The following ADAMTS14 variants were observed in gnomAD, a reference collection of about 807,000 sequenced individuals.
ADAMTS14 encodes the protein A disintegrin and metalloproteinase with thrombospondin motifs 14.
In ADAMTS14, 100 loss-of-function variants were observed where a neutral mutation model predicts 128.6. That is an observed-to-expected ratio of 0.78 (90% confidence interval 0.66 to 0.92). The LOEUF (loss-of-function observed/expected upper bound fraction) is 0.92. Among genes scored for constraint, ADAMTS14 ranks in the 40% least tolerant of loss-of-function variants. The probability of loss-of-function intolerance (pLI) is 0.00; values close to 1 mark genes in which losing one functional copy is unlikely to be tolerated. For synonymous variants in ADAMTS14, 665 were observed against 653.8 expected, an observed-to-expected ratio of 1.02 and a Z score of -0.26; for missense variants, 1,562 against 1,658.6, an observed-to-expected ratio of 0.94 and a Z score of 1.01.
chr10:70,672,668 C>A lies in ADAMTS14; in HGVS notation c.-135C>A. The A allele has an allele frequency of 8.2e-7, 1 of 1,216,672 alleles. No individual in the cohort carries two copies. Among genetic ancestry groups the A allele is most frequent in the Non-Finnish European group, 1.0e-6 (1 of 956,794 alleles). 75.4% of individuals were successfully genotyped at this position (1,216,672 alleles called of 1,614,324 possible). ...AGCAGGCGGGAGGGAAGCAGCTAGGCGGGGAGGCGGCTGAGGCGGCAGCGG... is the reference window on the plus strand; with the variant it reads ...AGCAGGCGGGAGGGAAGCAGCTAGGAGGGGAGGCGGCTGAGGCGGCAGCGG... On this transcript the variant is annotated 5_prime_UTR_variant, in exon 1 of 22. Transcript: ENST00000373207.
At chr10:70,749,423 C>G (rs1842280747) in intron 15 of ADAMTS14, among the ~76,000 whole-genome samples, 1 of 152,162 alleles carries the variant, frequency 6.6e-6, no homozygotes, top group African/African-American at 2.4e-5. Flanking sequence ...CTCTCAGCCT[C>G]TATGCTCTGC....
At chr10:70,704,555 T>C (rs1454194821) in intron 3 of ADAMTS14, among the ~76,000 whole-genome samples, 23 of 116,216 alleles carry the variant, frequency 2.0e-4, no homozygotes, top group South Asian at 2.9e-4. Flanking sequence ...ACACACCATC[T>C]ATACCCTCAT....
At chr10:70,759,699 G>A (rs75649110) in intron 21 of ADAMTS14, among the ~76,000 whole-genome samples, 2,166 of 152,276 alleles carry the variant, frequency 0.014, 44 homozygotes, top group African/African-American at 0.049. Context: ...TTAATGTCCC[G>A]ATGTGTGCTG....
At chr10:70,725,584 T>A (rs1191631761) in intron 4 of ADAMTS14, among the ~76,000 whole-genome samples, 1 of 152,078 alleles carries the variant, frequency 6.6e-6, no homozygotes, top group East Asian at 1.9e-4. Context: ...GTAGAAGGAG[T>A]GAGGGGGTCT....
chr10:70,675,300 G>A (rs976558462), intron 2 of ADAMTS14, among the ~76,000 whole-genome samples: 5 of 152,204 alleles, frequency 3.3e-5, no homozygotes, highest in Admixed American at 2.6e-4. Flanking sequence ...CCACTGCCTA[G>A]CTGTGAGGAT....
At chr10:70,733,026 TTCAGTAGG>T (rs1841700105) in intron 7 of ADAMTS14, among the ~76,000 whole-genome samples, 1 of 152,132 alleles carries the variant, frequency 6.6e-6, no homozygotes, top group Admixed American at 6.5e-5. Flanking sequence ...TGAGCTACTG[TTCAGTAGG>T]TCATGCCATG....
chr10:70,675,740 C>G (rs771616047), intron 2 of ADAMTS14, among the ~76,000 whole-genome samples: 3 of 152,220 alleles, frequency 2.0e-5, no homozygotes, highest in Admixed American at 6.5e-5. Flanking sequence ...TTCTCGCCCC[C>G]ACCTGGGGTT....
At position 70,733,431 on chromosome 10, in the gene ADAMTS14, G is replaced by T. The variant is rs139504106; in HGVS notation, c.1209-454G>T. On this transcript the variant is annotated intron_variant, in intron 7 of 21. Transcript: ENST00000373207. ...GCGCTGACAGGGGCTCAAGAAATGAGGTTGAGTTGAGTTGAATGAAACCTG... is the reference window on the plus strand; with the variant it reads ...GCGCTGACAGGGGCTCAAGAAATGATGTTGAGTTGAGTTGAATGAAACCTG... Among the ~76,000 whole-genome samples the T allele has an allele frequency of 8.5e-5, 13 of 152,330 alleles. No homozygotes were observed. The East Asian group carries it at 2.5e-3, about 29-fold the overall frequency.
chr10:70,754,229 G>A (rs1842428270), intron 19 of ADAMTS14, among the ~76,000 whole-genome samples: 1 of 152,228 alleles, frequency 6.6e-6, no homozygotes, highest in African/African-American at 2.4e-5. Flanking sequence ...ACAGTGCCAG[G>A]AGGCATGGGT....
chr10:70,690,120 A>G (rs1425460230), intron 2 of ADAMTS14, among the ~76,000 whole-genome samples: 1 of 144,470 alleles, frequency 6.9e-6, no homozygotes, highest in Non-Finnish European at 1.6e-5. Flanking sequence ...ATGAGTGAAT[A>G]TGTGCTATTG....
rs74139898 is a variant in ADAMTS14, at chr10:70,727,559, C to T, written c.871-1735C>T. Among the ~76,000 whole-genome samples the T allele has an allele frequency of 5.6e-3, 474 of 84,246 alleles. 9 individuals are homozygous for T. The highest frequency in any genetic ancestry group is 9.6e-3 in the African/African-American group (235 of 24,440). 55.3% of individuals were successfully genotyped at this position (84,246 alleles called of 152,430 possible). A position where few individuals can be genotyped will look rare whatever the true frequency, so the allele number is the denominator to read the frequency against. On this transcript the variant is annotated intron_variant, in intron 4 of 21. Coordinates refer to ENST00000373207, the MANE Select transcript of ADAMTS14 (RefSeq NM_080722.4). Reference sequence around the variant, plus strand: ...GCACTGCTGGCATCACATCCCTGACCGCGCTGGTGGCATCACATCCCTGAC... The same window carrying T: ...GCACTGCTGGCATCACATCCCTGACTGCGCTGGTGGCATCACATCCCTGAC...
At chr10:70,713,570 G>A (rs1052058633) in intron 4 of ADAMTS14, among the ~76,000 whole-genome samples, 1 of 152,240 alleles carries the variant, frequency 6.6e-6, no homozygotes, top group African/African-American at 2.4e-5. Flanking sequence ...TTTCTCCCAT[G>A]ATGGGAAACA....
rs1294092401 is a variant in ADAMTS14 at position 70,730,200 on chromosome 10, G to A, written c.1053G>A (p.Glu351=). 1 of 1,613,954 alleles carries A rather than the reference G, an allele frequency of 6.2e-7. No individual in the cohort carries two copies. Among genetic ancestry groups the A allele is most frequent in the African/African-American group, 1.3e-5 (1 of 74,944 alleles). ...AGCGCCAGGACCCCAGCCACGCTGAGCACCATGACCACGTTGTGTTCCTCA... is the reference window on the plus strand; with the variant it reads ...AGCGCCAGGACCCCAGCCACGCTGAACACCATGACCACGTTGTGTTCCTCA... ...SQQRQDPSHA[E]HHDHVVFLTR... Residue 351 remains glutamate (E), a synonymous_variant, in exon 6 of 22, where the codon GAG becomes GAA. Transcript: ENST00000373207.
chr10:70,715,933 C>T (rs545428476), intron 4 of ADAMTS14, among the ~76,000 whole-genome samples: 42 of 152,310 alleles, frequency 2.8e-4, no homozygotes, highest in African/African-American at 8.4e-4. Flanking sequence ...GTTCCCCTGA[C>T]GTCCCTAGGA....
At chr10:70,750,109 G>C (rs1258713772) in intron 16 of ADAMTS14, 124 bp downstream of exon 16, 1 of 1,278,110 alleles carries the variant, frequency 7.8e-7, no homozygotes, top group Non-Finnish European at 1.1e-6. Flanking sequence ...CAAGGGCAAG[G>C]CACCTTCCAT....
chr10:70,674,978 A>G lies in ADAMTS14; in HGVS notation c.505A>G (p.Ser169Gly). ...TGMPGAAVAI[S>G]NCDGLAGLIR... ...AATGCCTGGGGCAGCTGTTGCCATC[A>G]GCAACTGTGACGGATTGGTAAGGGA... Residue 169 changes from serine (S) to glycine (G), a missense_variant, in exon 2 of 22, where the codon AGC becomes GGC. Coordinates refer to ENST00000373207, the MANE Select transcript of ADAMTS14 (RefSeq NM_080722.4). 5 of 1,612,566 alleles carry G rather than the reference A, an allele frequency of 3.1e-6. No homozygotes were observed. The highest frequency in any genetic ancestry group is 4.2e-6 in the Non-Finnish European group (5 of 1,179,940).
intron 14 of ADAMTS14, 93 bp downstream of exon 14, chr10:70,744,282 C>A: frequency 7.2e-7 from 1 of 1,387,890 alleles, no homozygotes; most frequent in South Asian, 1.7e-5. Flanking sequence ...GTGCCACAGT[C>A]TGGGGTGGGG....
At chr10:70,728,483 G>T (rs4747090) in intron 4 of ADAMTS14, among the ~76,000 whole-genome samples, 18,758 of 152,198 alleles carry the variant, frequency 0.12, 1,437 homozygotes, top group East Asian at 0.3. Flanking sequence ...CTCAGGAAAT[G>T]GGTGTCCCCA....
At chr10:70,735,871 G>C (rs541978903) in intron 9 of ADAMTS14, among the ~76,000 whole-genome samples, 1 of 152,334 alleles carries the variant, frequency 6.6e-6, no homozygotes, top group Non-Finnish European at 1.5e-5. Context: ...CAGGGCCCAG[G>C]CTGAGCTGTC....
Sources: allele counts gnomAD v4.1 joint callset (sites outside exome capture counted in the v4.1 genomes callset), GRCh38; gene constraint gnomAD v4.1.1; transcripts MANE v1.5; gene names NCBI Gene and HGNC (gene_info 2026-07-23, HGNC 2026-07-21).